The following PTPRZ1 variants were observed in gnomAD, a reference collection of about 807,000 sequenced individuals.
PTPRZ1 encodes the protein receptor-type tyrosine-protein phosphatase zeta.
Under a neutral mutation model 214.1 loss-of-function variants are expected in PTPRZ1, and 82 were observed. The observed-to-expected ratio is 0.38, with a 90% CI of 0.32 to 0.46. PTPRZ1 has a LOEUF of 0.46. PTPRZ1 is among the 20% of genes least tolerant of loss of function. The pLI is 1.00. For missense variants in PTPRZ1, 2,603 were observed against 2,748.7 expected, an observed-to-expected ratio of 0.95 and a Z score of 1.19; for synonymous variants, 945 against 987.9, an observed-to-expected ratio of 0.96 and a Z score of 0.81.
intron 2 of PTPRZ1, among the ~76,000 whole-genome samples, chr7:121,963,786 C>T (rs1293131556): frequency 1.3e-5 from 2 of 151,934 alleles, no homozygotes; most frequent in Non-Finnish European, 1.5e-5. Flanking sequence ...ACCATGGTTG[C>T]CCCATCCCAA....
At chr7:121,936,941 C>T (rs1796101494) in intron 2 of PTPRZ1, among the ~76,000 whole-genome samples, 1 of 152,146 alleles carries the variant, frequency 6.6e-6, no homozygotes, top group Admixed American at 6.5e-5. Flanking sequence ...ATACCTTTTT[C>T]TGCTTAAGCC....
chr7:122,038,178 A>G (rs1338821554), intron 18 of PTPRZ1, among the ~76,000 whole-genome samples: 1 of 152,180 alleles, frequency 6.6e-6, no homozygotes, highest in African/African-American at 2.4e-5. Context: ...ACACACAGGA[A>G]TTATGGAAAC....
At chr7:121,905,352 A>G (rs1563010665) in intron 1 of PTPRZ1, among the ~76,000 whole-genome samples, 1 of 152,100 alleles carries the variant, frequency 6.6e-6, no homozygotes. Flanking sequence ...CCTAGGCCTT[A>G]TGAGAAGAGT....
intron 29 of PTPRZ1, among the ~76,000 whole-genome samples, 176 bp from the exon 30 acceptor site, chr7:122,060,899 GTTAAT>G (rs1303547533): frequency 1.3e-5 from 2 of 152,144 alleles, no homozygotes; most frequent in African/African-American, 4.8e-5. Flanking sequence ...CGATTGCAAC[GTTAAT>G]TTAATCAGAA....
chr7:122,058,726 C>T (rs914688747), intron 27 of PTPRZ1, 74 bp from the exon 28 acceptor site: 8 of 1,352,976 alleles, frequency 5.9e-6, no homozygotes, highest in African/African-American at 1.5e-5. Context: ...TACTGTAATT[C>T]CTGATTTTCC....
chr7:121,934,487 C>CAAAAAA (rs529475632), intron 2 of PTPRZ1, among the ~76,000 whole-genome samples: 17 of 77,050 alleles, frequency 2.2e-4, no homozygotes, highest in East Asian at 7.8e-4. Context: ...GACTCCGTCT[C>CAAAAAA]AAAAAAAAAA....
rs528051063 is a variant in PTPRZ1, at chr7:122,044,816, C to T, written c.6084+248C>T. ...TAACTTTTATAAATGCAAACTTGGT[C>T]GAGAAAAGAAGGGCACAGAGCATAA... On this transcript the variant is annotated intron_variant, in intron 23 of 29. Transcript: ENST00000393386. Among the ~76,000 whole-genome samples the T allele has an allele frequency of 5.9e-5, 9 of 151,620 alleles. No homozygotes were observed. The East Asian group carries it at 1.2e-3, about 20-fold the overall frequency.
rs35898975 is a variant in PTPRZ1, at chr7:121,930,024, CT to C, written c.124+1812del. ...AATCATGTTTTGTTACTTTAATTTG[CT>C]TTTTTTTTATTACCACTGAAGTCAT... is the stretch of plus-strand genomic sequence containing the variant. On this transcript the variant is annotated intron_variant, in intron 2 of 29. Transcript: ENST00000393386. 3.7e-3 allele frequency among the ~76,000 whole-genome samples: 562 copies of C among 150,640 alleles called. 4 individuals carry two copies. Among genetic ancestry groups the C allele is most frequent in the African/African-American group, 9.3e-3 (383 of 41,104 alleles).
At chr7:121,976,015 C>T (rs921872654) in intron 4 of PTPRZ1, among the ~76,000 whole-genome samples, 158 bp from the exon 5 acceptor site, 2 of 152,120 alleles carry the variant, frequency 1.3e-5, no homozygotes, top group African/African-American at 2.4e-5. Flanking sequence ...GTCTAACTTT[C>T]TATTCCCTTC....
intron 11 of PTPRZ1, among the ~76,000 whole-genome samples, chr7:122,006,752 G>T (rs1488278235): frequency 6.6e-6 from 1 of 151,996 alleles, no homozygotes; most frequent in East Asian, 1.9e-4. Context: ...ATCAGCCCAG[G>T]TCTCAACAGG....
At chr7:121,959,222 C>T (rs1258168888) in intron 2 of PTPRZ1, among the ~76,000 whole-genome samples, 1 of 152,194 alleles carries the variant, frequency 6.6e-6, no homozygotes, top group Non-Finnish European at 1.5e-5. Flanking sequence ...CTGTAACCCC[C>T]TGCCAATAGC....
chr7:121,908,563 C>T, intron 1 of PTPRZ1: 1 of 348,558 alleles, frequency 2.9e-6, no homozygotes, highest in South Asian at 2.3e-5. Context: ...CAGGTCCTCT[C>T]CTCTAGAATG....
At chr7:122,020,324 A>G (rs945965910) in intron 13 of PTPRZ1, among the ~76,000 whole-genome samples, 2 of 152,216 alleles carry the variant, frequency 1.3e-5, no homozygotes, top group Admixed American at 6.6e-5. Flanking sequence ...ATTTGTTATA[A>G]AAATGTATAA....
intron 8 of PTPRZ1, among the ~76,000 whole-genome samples, chr7:121,986,619 T>TGA: frequency 6.6e-6 from 1 of 152,320 alleles, no homozygotes; most frequent in Admixed American, 6.5e-5. Context: ...AGACTATGTG[T>TGA]GTATATTGTC....
intron 1 of PTPRZ1, among the ~76,000 whole-genome samples, chr7:121,917,425 A>G (rs1243805650): frequency 2.6e-5 from 4 of 152,202 alleles, no homozygotes; most frequent in African/African-American, 9.6e-5. Context: ...CTTCAGACTA[A>G]GAATCAGATA....
At chr7:121,945,118 G>A (rs765944148) in intron 2 of PTPRZ1, among the ~76,000 whole-genome samples, 2 of 152,176 alleles carry the variant, frequency 1.3e-5, no homozygotes, top group Admixed American at 6.5e-5. Context: ...TGCATTTGTT[G>A]TGTAATAATT....
chr7:121,986,087 C>T (rs1224969707), intron 8 of PTPRZ1, among the ~76,000 whole-genome samples: 3 of 152,060 alleles, frequency 2.0e-5, no homozygotes, highest in Non-Finnish European at 4.4e-5. Context: ...TAGAACATTG[C>T]TTTCACAGTT....
chr7:121,916,957 T>C (rs773126830), intron 1 of PTPRZ1, among the ~76,000 whole-genome samples: 1 of 152,108 alleles, frequency 6.6e-6, no homozygotes, highest in Non-Finnish European at 1.5e-5. Context: ...ACAAGTGAGA[T>C]GTTAGGCAAA....
intron 8 of PTPRZ1, among the ~76,000 whole-genome samples, chr7:121,991,940 T>C (rs565973319): frequency 6.6e-6 from 1 of 152,290 alleles, no homozygotes; most frequent in South Asian, 2.1e-4. Flanking sequence ...TCATTCAGCT[T>C]TTCTCTCAGC....
Sources: gnomAD v4.1 joint callset for allele counts (sites outside exome capture counted in the v4.1 genomes callset) on GRCh38, gnomAD v4.1.1 for gene constraint, MANE v1.5 for transcripts, NCBI Gene and HGNC (gene_info 2026-07-23, HGNC 2026-07-21) for gene names.